Variants in SRRM4 observed in about 807,000 individuals in gnomAD.
The protein encoded by SRRM4 is serine/arginine repetitive matrix protein 4.
Under a neutral mutation model 68.9 loss-of-function variants are expected in SRRM4, and 33 were observed. The observed-to-expected ratio is 0.48, with a 90% CI of 0.36 to 0.64. The LOEUF (loss-of-function observed/expected upper bound fraction) is 0.64, where lower values mean the gene tolerates loss of function less well. Among genes scored for constraint, SRRM4 ranks in the 30% least tolerant of loss-of-function variants. SRRM4 has a pLI of 0.00. For synonymous variants in SRRM4, 318 were observed against 318.8 expected, an observed-to-expected ratio of 1.00 and a Z score of 0.03; for missense variants, 817 against 827.1, an observed-to-expected ratio of 0.99 and a Z score of 0.15.
chr12:119,095,253 G>C (rs1377235404), intron 1 of SRRM4, among the ~76,000 whole-genome samples: 2 of 152,182 alleles, frequency 1.3e-5, no homozygotes, highest in Non-Finnish European at 2.9e-5. Context: ...TCTTGTCTCT[G>C]GGCTAGGTCA....
intron 1 of SRRM4, among the ~76,000 whole-genome samples, chr12:119,023,390 A>G (rs1305023225): frequency 6.6e-6 from 1 of 152,100 alleles, no homozygotes; most frequent in East Asian, 1.9e-4. Flanking sequence ...TTCCTCCTCG[A>G]CCTAGTTTCC....
chr12:119,091,026 T>C (rs1304979041), intron 1 of SRRM4, among the ~76,000 whole-genome samples: 2 of 152,344 alleles, frequency 1.3e-5, no homozygotes, highest in East Asian at 1.9e-4. Flanking sequence ...TGGAGATTTG[T>C]GGCTTGTCTG....
In SRRM4 at chr12:119,116,112, G is replaced by A. The variant is rs542324153; in HGVS notation, c.366-825G>A. ...CACCCAGCCTGCTTCATCCATTCAT[G>A]TTACCTGAGAGGGCCCTGTTAGCAT... On this transcript the variant is annotated intron_variant, in intron 3 of 12. Coordinates refer to ENST00000267260, the MANE Select transcript of SRRM4 (RefSeq NM_194286.4). Among the ~76,000 whole-genome samples, 3 of 152,250 alleles carry A rather than the reference G, an allele frequency of 2.0e-5. No homozygotes were observed. The South Asian group carries it at 6.2e-4, about 32-fold the overall frequency.
At chr12:119,127,758 A>T (rs1166170138) in intron 7 of SRRM4, among the ~76,000 whole-genome samples, 2 of 151,934 alleles carry the variant, frequency 1.3e-5, no homozygotes, top group African/African-American at 4.8e-5. Flanking sequence ...AAAGAAAGGA[A>T]GAAAAAGGGA....
intron 1 of SRRM4, among the ~76,000 whole-genome samples, chr12:119,030,775 G>A (rs1241384026): frequency 6.6e-6 from 1 of 152,010 alleles, no homozygotes; most frequent in Non-Finnish European, 1.5e-5. Flanking sequence ...TCATACGAAT[G>A]CATTAGGTTG....
Position 119,075,759 on chromosome 12 carries a change from T to C in SRRM4, c.132-26477T>C, listed in dbSNP as rs1222351285. On this transcript the variant is annotated intron_variant, in intron 1 of 12. Coordinates refer to ENST00000267260, the MANE Select transcript of SRRM4 (RefSeq NM_194286.4). ...GTGATGATGATGGTGGTAATGATGA[T>C]GGTGATGATGGTGGTGATGATGATA... Among the ~76,000 whole-genome samples, 5 of 133,682 alleles carry C rather than the reference T, an allele frequency of 3.7e-5. No individual in the cohort carries two copies. The Admixed American group carries it at 3.8e-4, about 10-fold the overall frequency. 87.7% of individuals were successfully genotyped at this position (133,682 alleles called of 152,430 possible).
At chr12:119,034,055 G>A (rs1292682602) in intron 1 of SRRM4, among the ~76,000 whole-genome samples, 1 of 152,138 alleles carries the variant, frequency 6.6e-6, no homozygotes, top group African/African-American at 2.4e-5. Context: ...GCATACAGGC[G>A]ACTTAGGAGC....
At chr12:119,122,296 A>AAGGCAGGAAGGAAGGAAGGC (rs1397501470) in intron 6 of SRRM4, among the ~76,000 whole-genome samples, 176 bp downstream of exon 6, 14 of 89,152 alleles carry the variant, frequency 1.6e-4, no homozygotes, top group African/African-American at 5.0e-4. Flanking sequence ...GGAAGGCAGG[A>AAGGCAGGAAGGAAGGAAGGC]AGGAAGGAAG....
intron 2 of SRRM4, 186 bp from the exon 3 acceptor site, chr12:119,114,092 G>T: frequency 2.1e-6 from 1 of 484,246 alleles, no homozygotes; most frequent in Non-Finnish European, 3.8e-6. Flanking sequence ...TCATTAACTC[G>T]GCATTAAGTC....
At chr12:119,030,433 G>C (rs151071063) in intron 1 of SRRM4, among the ~76,000 whole-genome samples, 112 of 152,278 alleles carry the variant, frequency 7.4e-4, no homozygotes, top group African/African-American at 2.6e-3. Flanking sequence ...TCTAAACAGA[G>C]AGTTTAGTTC....
chr12:119,015,785 G>A (rs140027590), intron 1 of SRRM4, among the ~76,000 whole-genome samples: 213 of 152,020 alleles, frequency 1.4e-3, no homozygotes, highest in African/African-American at 4.9e-3. Context: ...TAGAGTCCTC[G>A]CACTTCACCC....
rs1200377403 is a variant in SRRM4, at chr12:119,005,755, G to A, written c.131+23742G>A. On this transcript the variant is annotated intron_variant, in intron 1 of 12. Transcript: ENST00000267260. ...TCGATCAATACCTGTTTGCATTATT[G>A]TTACTGATGTTACTGTTGTTACTAT... Among the ~76,000 whole-genome samples, 6 of 152,130 alleles carry A rather than the reference G, an allele frequency of 3.9e-5. No individual in the cohort carries two copies. The East Asian group carries it at 9.6e-4, about 24-fold the overall frequency.
chr12:119,143,407 A>G (rs189525896), intron 8 of SRRM4, among the ~76,000 whole-genome samples: 161 of 152,370 alleles, frequency 1.1e-3, no homozygotes, highest in African/African-American at 3.3e-3. Flanking sequence ...AAGACCCACA[A>G]ATTAGATGTC....
rs1469979175 is a variant in SRRM4 at position 119,109,260 on chromosome 12, T to C, written c.279-5018T>C. 3.9e-5 allele frequency among the ~76,000 whole-genome samples: 6 copies of C among 152,304 alleles called. No homozygotes were observed. The East Asian group carries it at 7.7e-4, about 20-fold the overall frequency. On this transcript the variant is annotated intron_variant, in intron 2 of 12. Transcript: ENST00000267260. ...CTCTCTGGCTGCCCTTAACATTTTT[T>C]CCTTCATTTCAACTTTGGTGAATCT...
intron 1 of SRRM4, among the ~76,000 whole-genome samples, chr12:119,056,990 A>G (rs1440311008): frequency 6.6e-6 from 1 of 152,182 alleles, no homozygotes; most frequent in Non-Finnish European, 1.5e-5. Flanking sequence ...GTTTGCAACA[A>G]TGTTATTTGG....
intron 1 of SRRM4, among the ~76,000 whole-genome samples, chr12:119,064,361 G>A (rs1325681387): frequency 6.6e-6 from 1 of 152,200 alleles, no homozygotes; most frequent in Admixed American, 6.5e-5. Context: ...AAGGAATGAA[G>A]TTGACACACT....
At chr12:119,002,621 T>C (rs1953391868) in intron 1 of SRRM4, among the ~76,000 whole-genome samples, 2 of 152,192 alleles carry the variant, frequency 1.3e-5, no homozygotes, top group Non-Finnish European at 2.9e-5. Flanking sequence ...AACTATAATA[T>C]TTTTATTTAG....
intron 1 of SRRM4, among the ~76,000 whole-genome samples, chr12:119,008,821 C>A (rs955936963): frequency 6.6e-6 from 1 of 152,074 alleles, no homozygotes; most frequent in Non-Finnish European, 1.5e-5. Context: ...GCCTTTGACA[C>A]TAATTGATAC....
At chr12:119,087,717 A>G (rs1256709601) in intron 1 of SRRM4, among the ~76,000 whole-genome samples, 1 of 152,066 alleles carries the variant, frequency 6.6e-6, no homozygotes, top group African/African-American at 2.4e-5. Flanking sequence ...AGCATGGGGG[A>G]TGCAGAGACA....
Sources: gnomAD v4.1 joint callset for allele counts (sites outside exome capture counted in the v4.1 genomes callset) on GRCh38, gnomAD v4.1.1 for gene constraint, MANE v1.5 for transcripts, NCBI Gene and HGNC (gene_info 2026-07-23, HGNC 2026-07-21) for gene names.